CRABP1: variants seen among roughly 807,000 people sequenced by gnomAD.
The protein encoded by CRABP1 is cellular retinoic acid-binding protein 1.
In CRABP1, 9 loss-of-function variants were observed where a neutral mutation model predicts 16.4. The observed-to-expected ratio is 0.55, with a 90% CI of 0.33 to 0.96. CRABP1 has a LOEUF of 0.96. Ranked by LOEUF, CRABP1 falls within the 40% of genes least tolerant of loss-of-function variation. The pLI is 0.03. For missense variants in CRABP1, 157 were observed against 186.0 expected, an observed-to-expected ratio of 0.84 and a Z score of 0.91; for synonymous variants, 72 against 70.4, an observed-to-expected ratio of 1.02 and a Z score of -0.11.
At chr15:78,344,981 C>T (rs1238731893) in intron 3 of CRABP1, among the ~76,000 whole-genome samples, 1 of 151,886 alleles carries the variant, frequency 6.6e-6, no homozygotes, top group Non-Finnish European at 1.5e-5. Context: ...CCTTTTCTTC[C>T]AGACCAGAAA....
In CRABP1 at chr15:78,343,352, A is replaced by G. The variant is rs182628425; in HGVS notation, c.250-147A>G. 5.8e-3 allele frequency: 3,733 copies of G among 648,954 alleles called. 14 individuals are homozygous for G. The highest frequency in any genetic ancestry group is 8.1e-3 in the Non-Finnish European group (3,025 of 375,216). 40.2% of individuals were successfully genotyped at this position (648,954 alleles called of 1,614,324 possible). ...CCAGCACTCTGAATTTGGACTTTAT[A>G]AGGCTCAGCGGAGAAGAATCTGTGG... On this transcript the variant is annotated intron_variant, in intron 2 of 3. Transcript: ENST00000299529.
In CRABP1 at chr15:78,341,989, C is replaced by A. The variant is rs751252988; in HGVS notation, c.249+768C>A. On this transcript the variant is annotated intron_variant, in intron 2 of 3. Transcript: ENST00000299529. This position sits in a 1 kb window ranked among gnomAD's most constrained non-coding sequence, Gnocchi z 5.3. ...TTAAAAAGTGACAGAATGTCTCCCT[C>A]CCCTTCTCCAATTTTTTTTTTTTAA... 2.0e-5 allele frequency among the ~76,000 whole-genome samples: 3 copies of A among 151,834 alleles called. No individual in the cohort carries two copies. The highest frequency in any genetic ancestry group is 7.3e-5 in the African/African-American group (3 of 41,164).
chr15:78,345,774 G>A (rs1456124788), intron 3 of CRABP1, among the ~76,000 whole-genome samples: 3 of 152,186 alleles, frequency 2.0e-5, no homozygotes, highest in African/African-American at 7.2e-5. Context: ...GATCTGAAAT[G>A]TGGGCTTTTG....
chr15:78,341,325 C>A lies in CRABP1; in HGVS notation c.249+104C>A. The A allele has an allele frequency of 2.2e-6, 3 of 1,369,886 alleles. No individual in the cohort carries two copies. The highest frequency in any genetic ancestry group is 2.5e-5 in the East Asian group (1 of 40,486). The allele number at this position is 1,369,886 out of a possible 1,614,324, so 84.9% of individuals were successfully genotyped here. A position where few individuals can be genotyped will look rare whatever the true frequency, so the allele number is the denominator to read the frequency against. ...TCTCCCTTTGCAGCCTGTGGCGCGC[C>A]TTCCTTGCAGGGTGTGTACACTGGC... On this transcript the variant is annotated intron_variant, in intron 2 of 3. Coordinates refer to ENST00000299529, the MANE Select transcript of CRABP1 (RefSeq NM_004378.3). The surrounding 1 kb of genome is among the most constrained non-coding windows in gnomAD (Gnocchi z 5.3).
chr15:78,341,058 T>C lies in CRABP1; in HGVS notation c.86T>C (p.Leu29Pro), dbSNP rs1413896691. 5 of 1,609,740 alleles carry C rather than the reference T, an allele frequency of 3.1e-6. No individual in the cohort carries two copies. The highest frequency in any genetic ancestry group is 4.2e-6 in the Non-Finnish European group (5 of 1,179,804). The stretch of plus-strand genomic sequence containing the variant: ...CCCTGCGCAGGTGTGAACGCCATGC[T>C]GAGGAAAGTGGCCGTAGCGGCTGCG... ...LLKALGVNAM[L>P]RKVAVAAASK... The change falls in exon 2 of 4, where the codon CTG (leucine) becomes CCG (proline). Residue 29 changes from leucine (L) to proline (P), a missense_variant. Transcript: ENST00000299529. The surrounding 1 kb of genome is among the most constrained non-coding windows in gnomAD (Gnocchi z 5.3).
chr15:78,348,012 T>A lies in CRABP1; in HGVS notation c.*35T>A. 6.2e-7 allele frequency: 1 copy of A among 1,605,466 alleles called. No homozygotes were observed. Among genetic ancestry groups the A allele is most frequent in the Non-Finnish European group, 8.5e-7 (1 of 1,172,570 alleles). On this transcript the variant is annotated 3_prime_UTR_variant, in exon 4 of 4. Coordinates refer to ENST00000299529, the MANE Select transcript of CRABP1 (RefSeq NM_004378.3). ...GCTTGCTCCTACTTTCAGGAAGGGA[T>A]GCAGGCTCCCCTGAGGAATATGTCA... is the stretch of plus-strand genomic sequence containing the variant.
intron 3 of CRABP1, among the ~76,000 whole-genome samples, chr15:78,344,456 TA>T (rs11364387): frequency 0.71 from 105,131 of 148,170 alleles, 37,201 homozygotes; most frequent in African/African-American, 0.8. Context: ...ACTCTGTCTC[TA>T]AAAAAAAAAA....
chr15:78,341,050 C>T lies in CRABP1; in HGVS notation c.78C>T (p.Asn26=), dbSNP rs746023263. ...GTGGTGCACCCTGCGCAGGTGTGAA[C>T]GCCATGCTGAGGAAAGTGGCCGTAG... ...FDELLKALGV[N]AMLRKVAVAA... The change falls in exon 2 of 4, where the codon AAC becomes AAT. Residue 26 remains asparagine, a synonymous_variant. Transcript: ENST00000299529. The surrounding 1 kb of genome is among the most constrained non-coding windows in gnomAD (Gnocchi z 5.3). 9.3e-6 allele frequency: 15 copies of T among 1,608,136 alleles called. No individual in the cohort carries two copies. Among genetic ancestry groups the T allele is most frequent in the Non-Finnish European group, 1.2e-5 (14 of 1,179,522 alleles).
At chr15:78,347,515 G>T (rs1156852899) in intron 3 of CRABP1, among the ~76,000 whole-genome samples, 1 of 152,168 alleles carries the variant, frequency 6.6e-6, no homozygotes, top group Non-Finnish European at 1.5e-5. Context: ...GAACAGAACT[G>T]GCTGGTGAGT....
At chr15:78,345,445 T>C (rs1342019605) in intron 3 of CRABP1, among the ~76,000 whole-genome samples, 2 of 152,150 alleles carry the variant, frequency 1.3e-5, no homozygotes, top group African/African-American at 2.4e-5. Flanking sequence ...GGGAGCAATT[T>C]GAGGCTGAGA....
chr15:78,343,200 A>G (rs535881808), intron 2 of CRABP1, among the ~76,000 whole-genome samples: 3 of 152,298 alleles, frequency 2.0e-5, no homozygotes, highest in Non-Finnish European at 4.4e-5. Context: ...TTCATGCTCT[A>G]AATTTTATTC....
intron 3 of CRABP1, among the ~76,000 whole-genome samples, chr15:78,345,372 G>C (rs2141528165): frequency 6.6e-6 from 1 of 152,250 alleles, no homozygotes; most frequent in South Asian, 2.1e-4. Flanking sequence ...ACAGAGAAAG[G>C]ACTGGCTTAA....
intron 2 of CRABP1, among the ~76,000 whole-genome samples, chr15:78,342,802 G>A (rs2040969919): frequency 1.3e-5 from 2 of 152,192 alleles, no homozygotes; most frequent in South Asian, 4.1e-4. Flanking sequence ...CTCCTGATAG[G>A]CTGATGACAG....
At chr15:78,344,649 G>C (rs924487685) in intron 3 of CRABP1, among the ~76,000 whole-genome samples, 6 of 151,520 alleles carry the variant, frequency 4.0e-5, no homozygotes, top group African/African-American at 1.5e-4. Flanking sequence ...ACAAAACTGG[G>C]CTGGGATTGG....
intron 3 of CRABP1, among the ~76,000 whole-genome samples, chr15:78,346,792 A>G (rs1595956467): frequency 6.6e-6 from 1 of 152,204 alleles, no homozygotes; most frequent in African/African-American, 2.4e-5. Flanking sequence ...CTCGTGACCA[A>G]CTAAGATGGC....
At position 78,340,377 on chromosome 15, in the gene CRABP1, T is replaced by G. The variant is rs986929269; in HGVS notation, c.-52T>G. 1.9e-6 allele frequency: 3 copies of G among 1,552,520 alleles called. No homozygotes were observed. The African/African-American group carries it at 4.1e-5, about 21-fold the overall frequency. On this transcript the variant is annotated 5_prime_UTR_variant, in exon 1 of 4. Transcript: ENST00000299529. ...CAGTCTCCGCCTTGCGAGCTCAGAG[T>G]GTGCCCGCTGCGCCGCCGCTGTCCG...
chr15:78,346,961 T>G (rs1475015793), intron 3 of CRABP1, among the ~76,000 whole-genome samples: 1 of 151,776 alleles, frequency 6.6e-6, no homozygotes, highest in Non-Finnish European at 1.5e-5. Flanking sequence ...GTTTACAGAC[T>G]GGGGAATTTC....
In CRABP1 at chr15:78,341,121, A is replaced by T; in HGVS notation, c.149A>T (p.Gln50Leu). The T allele has an allele frequency of 6.2e-7, 1 of 1,613,178 alleles. No homozygotes were observed. The highest frequency in any genetic ancestry group is 8.5e-7 in the Non-Finnish European group (1 of 1,179,772). Residue 50 changes from glutamine (Q) to leucine (L), a missense_variant, in exon 2 of 4, where the codon CAG (glutamine) becomes CTG (leucine). By Grantham distance (113) the Gln-to-Leu change is moderately radical (BLOSUM62 -2). Transcript: ENST00000299529. The surrounding 1 kb of genome is among the most constrained non-coding windows in gnomAD (Gnocchi z 5.3). ...GTGGAGATCCGCCAGGACGGGGATC[A>T]GTTCTACATCAAGACATCCACCACG... Reference protein sequence around the residue: ...PHVEIRQDGDQFYIKTSTTVR... With the variant: ...PHVEIRQDGDLFYIKTSTTVR...
intron 3 of CRABP1, among the ~76,000 whole-genome samples, chr15:78,346,928 G>T (rs2050268806): frequency 6.6e-6 from 1 of 151,886 alleles, no homozygotes; most frequent in South Asian, 2.1e-4. Context: ...ATGTACATTT[G>T]CAAACAAACA....
Sources: allele counts gnomAD v4.1 joint callset (sites outside exome capture counted in the v4.1 genomes callset), GRCh38; gene constraint gnomAD v4.1.1; non-coding constraint Gnocchi (gnomAD v3.1); transcripts MANE v1.5; gene names NCBI Gene and HGNC (gene_info 2026-07-23, HGNC 2026-07-21).